XRN1: variants seen among roughly 807,000 people sequenced by gnomAD.
The protein encoded by XRN1 is strand-exchange protein 1 homolog.
A neutral mutation model predicts 222.3 loss-of-function variants in XRN1; 67 were observed. The ratio of observed to expected loss-of-function variants is 0.30; its 90% confidence interval spans 0.25 to 0.37. The LOEUF (loss-of-function observed/expected upper bound fraction) is 0.37, where lower values mean the gene tolerates loss of function less well. Among genes scored for constraint, XRN1 ranks in the 10% least tolerant of loss-of-function variants. XRN1 has a pLI of 1.00. For missense variants in XRN1, 1,707 were observed against 2,000.2 expected (o/e 0.85, Z 2.80); for synonymous variants, 643 against 652.4 (o/e 0.99, Z 0.22).
chr3:142,317,980 G>T (rs1474396411), intron 39 of XRN1, among the ~76,000 whole-genome samples: 1 of 152,000 alleles, frequency 6.6e-6, no homozygotes, highest in East Asian at 1.9e-4. Context: ...TTATTATTCA[G>T]TTTAATGAGA....
rs2069085741 is a variant in XRN1 at position 142,422,629 on chromosome 3, A to G, written c.920T>C (p.Leu307Pro). The change falls in exon 8 of 41, where the codon CTG becomes CCG. Residue 307 changes from leucine to proline, a missense_variant. By Grantham distance (98) the Leu-to-Pro change is moderately conservative. This residue lies in a region of XRN1 where 1,234 missense variants were observed against 1,518.2 expected (regional missense o/e 0.81). Coordinates refer to ENST00000392981, the MANE Select transcript of XRN1 (RefSeq NM_001282857.2). ...LPHLHINHDA[L>P]PLLYGTYVTI... The stretch of plus-strand genomic sequence containing the variant: ...AACATATGTTCCATAAAGAAGAGGC[A>G]GTGCATCATGATTAATATGTAAATG... 1 of 1,613,680 alleles carries G rather than the reference A, an allele frequency of 6.2e-7. No individual in the cohort carries two copies. Among genetic ancestry groups the G allele is most frequent in the East Asian group, 2.2e-5 (1 of 44,796 alleles).
At chr3:142,334,763 T>C (rs1190172122) in intron 34 of XRN1, among the ~76,000 whole-genome samples, 1 of 122,718 alleles carries the variant, frequency 8.1e-6, no homozygotes, top group Admixed American at 8.2e-5. Flanking sequence ...TATATGTCTA[T>C]GTATACACAC....
intron 22 of XRN1, among the ~76,000 whole-genome samples, chr3:142,381,435 C>T (rs1386003114): frequency 6.6e-6 from 1 of 151,990 alleles, no homozygotes; most frequent in Non-Finnish European, 1.5e-5. Context: ...CTATTTTCTT[C>T]CTTTATTACA....
intron 38 of XRN1, 34 bp downstream of exon 38, chr3:142,318,756 A>T: frequency 6.2e-7 from 1 of 1,612,288 alleles, no homozygotes; most frequent in Non-Finnish European, 8.5e-7. Context: ...GGACTAATAA[A>T]AATTTTAATA....
chr3:142,358,404 T>C (rs2066522251), intron 30 of XRN1, among the ~76,000 whole-genome samples: 1 of 152,200 alleles, frequency 6.6e-6, no homozygotes, highest in African/African-American at 2.4e-5. Flanking sequence ...ATAATTTTCT[T>C]ATATTGAAAG....
At chr3:142,424,424 A>G (rs2069166592) in intron 5 of XRN1, among the ~76,000 whole-genome samples, 1 of 152,154 alleles carries the variant, frequency 6.6e-6, no homozygotes, top group Non-Finnish European at 1.5e-5. Context: ...TACCCCAAGT[A>G]AGTCAACAGT....
chr3:142,318,014 T>C (rs566314778), intron 39 of XRN1, among the ~76,000 whole-genome samples: 1 of 152,200 alleles, frequency 6.6e-6, no homozygotes, highest in Non-Finnish European at 1.5e-5. Context: ...TGTCATAAAT[T>C]TAATCAGTAT....
Position 142,403,868 on chromosome 3 carries a change from C to G in XRN1, c.2004+1G>C. On this transcript the variant is annotated splice_donor_variant, in intron 17 of 40. Coordinates refer to ENST00000392981, the MANE Select transcript of XRN1 (RefSeq NM_001282857.2). LOFTEE classifies it high-confidence loss of function. Reference sequence around the variant, plus strand: ...AAATTCTGAACTAAATAGCCACTGACTTTGTGTCTGATGTGTTTCAGAGTA... The same window carrying G: ...AAATTCTGAACTAAATAGCCACTGAGTTTGTGTCTGATGTGTTTCAGAGTA... The G allele has an allele frequency of 1.2e-6, 2 of 1,612,904 alleles. No homozygotes were observed. Among genetic ancestry groups the G allele is most frequent in the Non-Finnish European group, 1.7e-6 (2 of 1,179,436 alleles).
intron 34 of XRN1, among the ~76,000 whole-genome samples, chr3:142,333,504 G>A (rs1201596977): frequency 6.6e-6 from 1 of 152,074 alleles, no homozygotes; most frequent in East Asian, 1.9e-4. Flanking sequence ...CTTGGATGGG[G>A]AAAATTACAC....
chr3:142,443,409 A>C (rs1267487597), intron 1 of XRN1, among the ~76,000 whole-genome samples: 1 of 151,996 alleles, frequency 6.6e-6, no homozygotes, highest in African/African-American at 2.4e-5. Flanking sequence ...ATCCACCTTT[A>C]AACACGGGGC....
At chr3:142,369,654 TAAAAA>T (rs761560470) in intron 27 of XRN1, among the ~76,000 whole-genome samples, 6 of 120,390 alleles carry the variant, frequency 5.0e-5, no homozygotes, top group Non-Finnish European at 1.1e-4. Context: ...TCTCCAAAAT[TAAAAA>T]AAAAAAAAAA....
chr3:142,363,055 G>A (rs181735875), intron 29 of XRN1, among the ~76,000 whole-genome samples: 83 of 152,228 alleles, frequency 5.5e-4, no homozygotes, highest in Admixed American at 1.0e-3. Context: ...GATTACAAGT[G>A]TGAGCCACGG....
Position 142,370,636 on chromosome 3 carries a change from T to C in XRN1, c.3069-16A>G, listed in dbSNP as rs769044581. The C allele has an allele frequency of 1.3e-6, 2 of 1,552,134 alleles. No homozygotes were observed. Among genetic ancestry groups the C allele is most frequent in the South Asian group, 2.5e-5 (2 of 79,362 alleles). ...TTTTTCAGCACTAAAGCAAAAACAATAATTTTTAAAATTTGATTAAAACTT... is the reference window on the plus strand; with the variant it reads ...TTTTTCAGCACTAAAGCAAAAACAACAATTTTTAAAATTTGATTAAAACTT... On this transcript the variant is annotated splice_polypyrimidine_tract_variant and intron_variant, in intron 26 of 40. Transcript: ENST00000392981.
At chr3:142,415,347 G>T (rs533841514) in intron 13 of XRN1, among the ~76,000 whole-genome samples, 34 of 152,248 alleles carry the variant, frequency 2.2e-4, no homozygotes, top group Admixed American at 1.4e-3. Context: ...AAATGGAGGA[G>T]TTTAGGAGGC....
Position 142,347,330 on chromosome 3 carries a change from G to A in XRN1, c.3781C>T (p.Pro1261Ser). ...PTIQEKGAVLPQEISQVNQHH... is the reference protein window; with the variant it reads ...PTIQEKGAVLSQEISQVNQHH... ...TGATTTACTTGGCTTATTTCTTGAG[G>A]TAGAACTGCACCCTGAAAATTAAAA... Residue 1261 changes from proline to serine, a missense_variant, in exon 33 of 41, where the codon CCT (proline) becomes TCT (serine). Pro to Ser is a moderately conservative substitution (Grantham distance 74). Around this residue, in one of 2 missense-constraint regions of XRN1, gnomAD observed 1,234 missense variants for 1,518.2 expected, o/e 0.81. Coordinates refer to ENST00000392981, the MANE Select transcript of XRN1 (RefSeq NM_001282857.2). 6.3e-7 allele frequency: 1 copy of A among 1,598,038 alleles called. No individual in the cohort carries two copies. Among genetic ancestry groups the A allele is most frequent in the South Asian group, 1.1e-5 (1 of 86,968 alleles).
At chr3:142,393,867 C>T (rs2067828893) in intron 20 of XRN1, among the ~76,000 whole-genome samples, 1 of 151,528 alleles carries the variant, frequency 6.6e-6, no homozygotes. Context: ...TGCTCTGTTG[C>T]CCAGGCTGGA....
intron 19 of XRN1, among the ~76,000 whole-genome samples, chr3:142,398,765 G>A (rs2068021856): frequency 1.3e-5 from 2 of 152,006 alleles, no homozygotes; most frequent in African/African-American, 4.8e-5. Context: ...AGACGACAAA[G>A]TTAAATGACA....
intron 23 of XRN1, among the ~76,000 whole-genome samples, chr3:142,377,028 G>A (rs1044085888): frequency 1.3e-5 from 2 of 151,928 alleles, no homozygotes; most frequent in African/African-American, 4.8e-5. Context: ...TAAAAAATAG[G>A]TACATCATCA....
At chr3:142,312,484 C>A (rs2065102859) in intron 40 of XRN1, 114 bp downstream of exon 40, 2 of 1,077,020 alleles carry the variant, frequency 1.9e-6, no homozygotes, top group South Asian at 4.6e-5. Context: ...TTACTACCCA[C>A]ACTAGTACTG....
Sources: gnomAD v4.1 joint callset for allele counts (sites outside exome capture counted in the v4.1 genomes callset) on GRCh38, gnomAD v4.1.1 for gene constraint, gnomAD v4.1.1 regional missense constraint, MANE v1.5 for transcripts, NCBI Gene and HGNC (gene_info 2026-07-23, HGNC 2026-07-21) for gene names.